BBX: variants seen among roughly 807,000 people sequenced by gnomAD.
The protein encoded by BBX is BBX high mobility group box domain containing, also known as HMG box transcription factor BBX.
Under a neutral mutation model 100.2 loss-of-function variants are expected in BBX, and 30 were observed. That is an observed-to-expected ratio of 0.30 (90% CI 0.22 to 0.41). BBX has a LOEUF of 0.41. Among genes scored for constraint, BBX ranks in the 10% least tolerant of loss-of-function variants. The pLI is 1.00. For missense variants in BBX, 1,023 were observed against 1,129.8 expected (o/e 0.91, Z 1.35); for synonymous variants, 376 against 388.1 (o/e 0.97, Z 0.37).
chr3:107,617,783 G>A (rs548169214), intron 2 of BBX, among the ~76,000 whole-genome samples: 36 of 152,112 alleles, frequency 2.4e-4, no homozygotes, highest in African/African-American at 8.2e-4. Flanking sequence ...TTTAGAAGAT[G>A]TTTTTGTAGA....
intron 12 of BBX, among the ~76,000 whole-genome samples, chr3:107,776,621 C>T (rs143170854): frequency 3.9e-5 from 6 of 152,186 alleles, no homozygotes; most frequent in African/African-American, 1.4e-4. Flanking sequence ...TTTTTTATCT[C>T]AGAAAATGTG....
chr3:107,663,509 T>C (rs2058572598), intron 3 of BBX, among the ~76,000 whole-genome samples: 1 of 152,142 alleles, frequency 6.6e-6, no homozygotes, highest in African/African-American at 2.4e-5. Context: ...TACCCCCTCA[T>C]CACAATCCTT....
Position 107,801,147 on chromosome 3 carries a change from A to G in BBX, c.2604A>G (p.Thr868=), listed in dbSNP as rs1397155432. 6.2e-7 allele frequency: 1 copy of G among 1,614,148 alleles called. No homozygotes were observed. Among genetic ancestry groups the G allele is most frequent in the East Asian group, 2.2e-5 (1 of 44,906 alleles). The change falls in exon 17 of 18, where the codon ACA becomes ACG. Residue 868 remains threonine, a synonymous_variant. Transcript: ENST00000325805. ...LQRSLPKATE[T]DCNDKCSHNT... Reference sequence around the variant, plus strand: ...GGAGTCTCCCTAAAGCAACTGAGACAGACTGCAATGACAAATGCTCACACA... The same window carrying G: ...GGAGTCTCCCTAAAGCAACTGAGACGGACTGCAATGACAAATGCTCACACA...
At chr3:107,523,165 C>T (rs1054807966) in intron 1 of BBX, 58 bp downstream of exon 1, 23 of 176,700 alleles carry the variant, frequency 1.3e-4, no homozygotes, top group African/African-American at 2.9e-4. Context: ...TTCTGTTTTC[C>T]TACTCACTTG....
intron 2 of BBX, among the ~76,000 whole-genome samples, chr3:107,596,951 G>A (rs2053705680): frequency 6.6e-6 from 1 of 152,088 alleles, no homozygotes; most frequent in African/African-American, 2.4e-5. Context: ...TAGAATAGAC[G>A]AAAAGTAAAC....
chr3:107,594,677 A>G (rs1282204047), intron 2 of BBX, among the ~76,000 whole-genome samples: 2 of 152,198 alleles, frequency 1.3e-5, no homozygotes, highest in East Asian at 3.8e-4. Flanking sequence ...AATGAAAATA[A>G]TAGTATTTAC....
chr3:107,680,043 A>G (rs1284145460), intron 3 of BBX, among the ~76,000 whole-genome samples: 1 of 152,170 alleles, frequency 6.6e-6, no homozygotes, highest in Admixed American at 6.5e-5. Flanking sequence ...ACAAGTGTTC[A>G]GTGTGAATGT....
chr3:107,708,786 A>T (rs1332538281), intron 3 of BBX, among the ~76,000 whole-genome samples: 1 of 152,100 alleles, frequency 6.6e-6, no homozygotes, highest in East Asian at 1.9e-4. Context: ...TCAATAGTAG[A>T]CTCAGTAAAT....
In BBX at chr3:107,805,567, C is replaced by T. The variant is rs2071008368; in HGVS notation, c.*110C>T. 2 of 1,577,986 alleles carry T rather than the reference C, an allele frequency of 1.3e-6. No homozygotes were observed. The highest frequency in any genetic ancestry group is 1.8e-5 in the Admixed American group (1 of 55,214). On this transcript the variant is annotated 3_prime_UTR_variant, in exon 18 of 18. Coordinates refer to ENST00000325805, the MANE Select transcript of BBX (RefSeq NM_001142568.3). ...GGAAAATATAGACTGCAAACAAGTG[C>T]TTGTTGCCCCACACGGCCCAGATTC...
intron 7 of BBX, among the ~76,000 whole-genome samples, chr3:107,743,256 T>C (rs1044052563): frequency 6.6e-6 from 1 of 152,182 alleles, no homozygotes; most frequent in African/African-American, 2.4e-5. Context: ...AGCAGAGAAG[T>C]TGATTTTTTT....
At chr3:107,698,885 G>A (rs1230815686) in intron 3 of BBX, among the ~76,000 whole-genome samples, 1 of 151,782 alleles carries the variant, frequency 6.6e-6, no homozygotes, top group South Asian at 2.1e-4. Context: ...TATGCTATTT[G>A]AGTAATTGTT....
chr3:107,637,401 G>A (rs1221913496), intron 2 of BBX, among the ~76,000 whole-genome samples: 1 of 152,180 alleles, frequency 6.6e-6, no homozygotes, highest in Non-Finnish European at 1.5e-5. Flanking sequence ...GGAAGAGTAG[G>A]GATGCATTGT....
chr3:107,548,506 A>C (rs746924412), intron 2 of BBX, among the ~76,000 whole-genome samples: 1 of 152,190 alleles, frequency 6.6e-6, no homozygotes, highest in Non-Finnish European at 1.5e-5. Context: ...AGAGATCTTA[A>C]TAATGGTTAG....
intron 3 of BBX, among the ~76,000 whole-genome samples, chr3:107,682,625 AG>A (rs2059627013): frequency 6.6e-6 from 1 of 152,164 alleles, no homozygotes; most frequent in Admixed American, 6.6e-5. Flanking sequence ...AACAAACAAT[AG>A]AAATTTAAAG....
chr3:107,786,761 C>T (rs553570127), intron 13 of BBX, among the ~76,000 whole-genome samples: 2 of 152,078 alleles, frequency 1.3e-5, no homozygotes, highest in East Asian at 3.9e-4. Flanking sequence ...TACCAAAAGC[C>T]CAAGCAACAA....
At chr3:107,700,758 G>A (rs575206448) in intron 3 of BBX, among the ~76,000 whole-genome samples, 7 of 151,570 alleles carry the variant, frequency 4.6e-5, no homozygotes, top group Non-Finnish European at 1.0e-4. Context: ...CCCTACAAAG[G>A]ACATGAACTC....
chr3:107,542,222 A>G (rs1362593133), intron 2 of BBX, among the ~76,000 whole-genome samples: 1 of 152,212 alleles, frequency 6.6e-6, no homozygotes, highest in African/African-American at 2.4e-5. Context: ...CTGTGGGAGA[A>G]TGATAGAAGA....
chr3:107,571,726 T>C (rs905175856), intron 2 of BBX, among the ~76,000 whole-genome samples: 1 of 152,228 alleles, frequency 6.6e-6, no homozygotes, highest in African/African-American at 2.4e-5. Context: ...CGCGAGTCTA[T>C]GTGAAGAGAC....
intron 7 of BBX, among the ~76,000 whole-genome samples, chr3:107,736,763 G>C (rs1247946469): frequency 2.0e-5 from 3 of 152,104 alleles, no homozygotes; most frequent in Non-Finnish European, 4.4e-5. Context: ...AACTTGGATT[G>C]ATCTCAGAAA....
Sources: gnomAD v4.1 joint callset for allele counts (sites outside exome capture counted in the v4.1 genomes callset) on GRCh38, gnomAD v4.1.1 for gene constraint, MANE v1.5 for transcripts, NCBI Gene and HGNC (gene_info 2026-07-23, HGNC 2026-07-21) for gene names.